Variants in MTUS2 observed in about 807,000 individuals in gnomAD.
MTUS2 encodes the protein microtubule associated scaffold protein 2.
Under a neutral mutation model 114.1 loss-of-function variants are expected in MTUS2, and 40 were observed. That is an observed-to-expected ratio of 0.35 (90% CI 0.27 to 0.46). MTUS2 has a LOEUF of 0.46. MTUS2 is among the 20% of genes least tolerant of loss of function. The pLI is 1.00. For missense variants in MTUS2, 1,679 were observed against 1,705.4 expected (o/e 0.98, Z 0.27); for synonymous variants, 688 against 672.0 (o/e 1.02, Z -0.37).
In MTUS2 at chr13:29,025,572, G is replaced by A. The variant is rs745785312; in HGVS notation, c.874G>A (p.Glu292Lys). 8 of 1,613,970 alleles carry A rather than the reference G, an allele frequency of 5.0e-6. No homozygotes were observed. Among genetic ancestry groups the A allele is most frequent in the Non-Finnish European group, 6.8e-6 (8 of 1,179,882 alleles). Residue 292 changes from glutamate (E) to lysine (K), a missense_variant, in exon 3 of 16, where the codon GAA becomes AAA. By Grantham distance (56) the Glu-to-Lys change is moderately conservative. Around this residue, in one of 3 missense-constraint regions of MTUS2, gnomAD observed 843 missense variants for 770.8 expected, o/e 1.09. Transcript: ENST00000612955. ...TCTGAATTTGACTTTGGCATCGAAG[G>A]AAATCCCAAGTAAACTGGAAGCACA... ...PALNLTLASK[E>K]IPSKLEAQLG...
intron 4 of MTUS2, among the ~76,000 whole-genome samples, chr13:29,082,543 C>T (rs1889491324): frequency 6.6e-6 from 1 of 152,174 alleles, no homozygotes; most frequent in Non-Finnish European, 1.5e-5. Context: ...AGGCAAAGGT[C>T]TGAGGAAAGG....
chr13:29,307,607 C>A, intron 6 of MTUS2: 1 of 1,173,496 alleles, frequency 8.5e-7, no homozygotes, highest in Non-Finnish European at 1.3e-6. Flanking sequence ...CTGGGCTACA[C>A]TGAGTACCAG....
At chr13:29,403,133 G>A (rs1292528587) in intron 8 of MTUS2, among the ~76,000 whole-genome samples, 1 of 152,184 alleles carries the variant, frequency 6.6e-6, no homozygotes, top group Non-Finnish European at 1.5e-5. Context: ...GGGATAAATA[G>A]CCCTATCCTC....
rs1250131918 is a variant in MTUS2, at chr13:29,389,480, CGT to C, written c.3117+30014_3117+30015del. On this transcript the variant is annotated intron_variant, in intron 8 of 15. Coordinates refer to ENST00000612955, the MANE Select transcript of MTUS2 (RefSeq NM_001033602.4). ...GTGTGTGTATGTGTATATGTATACACGTGTGTGTATGTGTATATATGTATACA... is the reference window on the plus strand; with the variant it reads ...GTGTGTGTATGTGTATATGTATACACGTGTGTATGTGTATATATGTATACA... 7.7e-5 allele frequency among the ~76,000 whole-genome samples: 9 copies of C among 116,348 alleles called. 1 individual carries two copies. The highest frequency in any genetic ancestry group is 2.5e-4 in the East Asian group (1 of 4,072). 76.3% of individuals were successfully genotyped at this position (116,348 alleles called of 152,430 possible).
chr13:29,134,023 T>C (rs1459860789), intron 5 of MTUS2, among the ~76,000 whole-genome samples: 2 of 152,176 alleles, frequency 1.3e-5, no homozygotes, highest in African/African-American at 4.8e-5. Context: ...TAAGCACATA[T>C]GGCTACAAAT....
At chr13:29,229,689 T>C (rs895745269) in intron 5 of MTUS2, among the ~76,000 whole-genome samples, 1 of 152,212 alleles carries the variant, frequency 6.6e-6, no homozygotes, top group Admixed American at 6.5e-5. Context: ...AGGAATCTTT[T>C]CTGAAACACT....
chr13:29,152,795 T>G (rs992464795), intron 5 of MTUS2, among the ~76,000 whole-genome samples: 3 of 152,110 alleles, frequency 2.0e-5, no homozygotes, highest in Non-Finnish European at 2.9e-5. Context: ...TGTTCTGTTG[T>G]ATTCTGCCAT....
chr13:29,498,444 G>A lies in MTUS2; in HGVS notation c.3705G>A (p.Leu1235=), dbSNP rs184265288. The A allele has an allele frequency of 1.9e-6, 3 of 1,614,116 alleles. No individual in the cohort carries two copies. The East Asian group carries it at 6.7e-5, about 36-fold the overall frequency. ...TTGCATTGGCTCCTTATCAGCACTTGGAAGAAGACATGAAGAGTCTGAAGC... is the reference window on the plus strand; with the variant it reads ...TTGCATTGGCTCCTTATCAGCACTTAGAAGAAGACATGAAGAGTCTGAAGC... The part of the protein sequence containing the change: ...LEIALAPYQH[L]EEDMKSLKQV... Residue 1235 remains leucine (L), a synonymous_variant, in exon 14 of 16, where the codon TTG becomes TTA. Coordinates refer to ENST00000612955, the MANE Select transcript of MTUS2 (RefSeq NM_001033602.4).
chr13:29,241,532 C>T (rs1896732977), intron 5 of MTUS2, among the ~76,000 whole-genome samples: 1 of 152,112 alleles, frequency 6.6e-6, no homozygotes, highest in South Asian at 2.1e-4. Flanking sequence ...TTCAGAGCGG[C>T]CGCCCTCCCC....
At chr13:29,106,224 C>T (rs1459583555) in intron 5 of MTUS2, among the ~76,000 whole-genome samples, 7 of 152,218 alleles carry the variant, frequency 4.6e-5, no homozygotes, top group Non-Finnish European at 1.0e-4. Flanking sequence ...CAGCTCACTG[C>T]AAACTGAACA....
At chr13:29,144,754 C>T (rs1333012494) in intron 5 of MTUS2, among the ~76,000 whole-genome samples, 2 of 152,100 alleles carry the variant, frequency 1.3e-5, no homozygotes, top group Non-Finnish European at 2.9e-5. Context: ...TATCAAATAA[C>T]CTAATTATGG....
intron 2 of MTUS2, among the ~76,000 whole-genome samples, chr13:28,904,254 C>T (rs1327921457): frequency 2.0e-5 from 3 of 152,126 alleles, no homozygotes. Context: ...TGCAGAAGCT[C>T]TTTAGTTTAA....
intron 5 of MTUS2, among the ~76,000 whole-genome samples, chr13:29,223,081 G>GC (rs1325431714): frequency 5.9e-5 from 9 of 152,206 alleles, no homozygotes; most frequent in African/African-American, 2.2e-4. Context: ...GCAGCAGGAG[G>GC]CAGATGGGCT....
chr13:28,841,161 G>T (rs879643732), intron 2 of MTUS2, among the ~76,000 whole-genome samples: 2 of 152,152 alleles, frequency 1.3e-5, no homozygotes, highest in African/African-American at 2.4e-5. Context: ...ACAAATTTTT[G>T]TAATTAATCT....
intron 10 of MTUS2, among the ~76,000 whole-genome samples, chr13:29,483,688 G>A (rs1881376992): frequency 1.3e-5 from 2 of 152,296 alleles, no homozygotes; most frequent in African/African-American, 4.8e-5. Context: ...TTGCCTCTTG[G>A]CTTTCTTAAG....
chr13:29,403,595 A>G (rs1486659112), intron 8 of MTUS2, among the ~76,000 whole-genome samples: 4 of 152,222 alleles, frequency 2.6e-5, no homozygotes, highest in Admixed American at 2.6e-4. Context: ...AGGCCCTAAG[A>G]GAACAAAAAG....
intron 7 of MTUS2, among the ~76,000 whole-genome samples, chr13:29,351,174 T>C (rs1047641306): frequency 2.0e-5 from 3 of 151,950 alleles, no homozygotes; most frequent in Non-Finnish European, 4.4e-5. Flanking sequence ...TTTTCCAAGA[T>C]CTTCATTTCT....
intron 6 of MTUS2, among the ~76,000 whole-genome samples, chr13:29,296,640 T>A (rs1898960266): frequency 2.0e-5 from 3 of 152,144 alleles, no homozygotes; most frequent in African/African-American, 7.2e-5. Flanking sequence ...ATGATGACCA[T>A]TTTAACTGGG....
chr13:29,043,263 G>A (rs1686001943), intron 4 of MTUS2, among the ~76,000 whole-genome samples: 2 of 152,014 alleles, frequency 1.3e-5, no homozygotes, highest in African/African-American at 2.4e-5. Context: ...TTTTCAAATT[G>A]ATTTCCAGTT....
Sources: allele counts gnomAD v4.1 joint callset (sites outside exome capture counted in the v4.1 genomes callset), GRCh38; gene constraint gnomAD v4.1.1; regional missense constraint gnomAD v4.1.1; transcripts MANE v1.5; gene names NCBI Gene and HGNC (gene_info 2026-07-23, HGNC 2026-07-21).